The following LRRK1 variants were observed in gnomAD, a reference collection of about 807,000 sequenced individuals.
LRRK1 encodes the protein leucine rich repeat kinase 1, also known as leucine-rich repeat serine/threonine-protein kinase 1.
A neutral mutation model predicts 209.1 loss-of-function variants in LRRK1; 113 were observed. The ratio of observed to expected loss-of-function variants is 0.54; its 90% CI spans 0.46 to 0.63. The LOEUF (loss-of-function observed/expected upper bound fraction) is 0.63. Ranked by LOEUF, LRRK1 falls within the 30% of genes least tolerant of loss-of-function variation. The pLI, the probability that LRRK1 is intolerant of heterozygous loss-of-function variation, is 0.00. For missense variants in LRRK1, 2,284 were observed against 2,632.2 expected, an observed-to-expected ratio of 0.87 and a Z score of 2.89; for synonymous variants, 1,144 against 1,099.7, an observed-to-expected ratio of 1.04 and a Z score of -0.80.
chr15:101,022,084 C>A lies in LRRK1; in HGVS notation c.1852+127C>A. 1.5e-6 allele frequency: 1 copy of A among 683,680 alleles called. No individual in the cohort carries two copies. Among genetic ancestry groups the A allele is most frequent in the Non-Finnish European group, 2.5e-6 (1 of 405,580 alleles). 42.4% of individuals were successfully genotyped at this position (683,680 alleles called of 1,614,324 possible). ...GCCCAGCTCCAGGTTCCAGATTTGA[C>A]AAGATGCTATAAAATTGTCCCTAAA... On this transcript the variant is annotated intron_variant, in intron 14 of 33. Transcript: ENST00000388948. The surrounding 1 kb of genome is among the most constrained non-coding windows in gnomAD (Gnocchi z 4.0).
At position 101,021,042 on chromosome 15, in the gene LRRK1, T is replaced by C. The variant is rs2033759349; in HGVS notation, c.1610-11T>C. 1 of 1,614,024 alleles carries C rather than the reference T, an allele frequency of 6.2e-7. No individual in the cohort carries two copies. Among genetic ancestry groups the C allele is most frequent in the Non-Finnish European group, 8.5e-7 (1 of 1,179,906 alleles). Reference sequence around the variant, plus strand: ...TTTTTAAATGCAGTCTGCTTTGCCATGTCTTTGCAGCAAGTGTGCTGGAAT... The same window carrying C: ...TTTTTAAATGCAGTCTGCTTTGCCACGTCTTTGCAGCAAGTGTGCTGGAAT... On this transcript the variant is annotated splice_polypyrimidine_tract_variant and intron_variant, in intron 12 of 33. Transcript: ENST00000388948.
chr15:100,959,534 G>T (rs896216414), intron 2 of LRRK1, among the ~76,000 whole-genome samples: 1 of 152,166 alleles, frequency 6.6e-6, no homozygotes, highest in Non-Finnish European at 1.5e-5. Context: ...TCCAGATAAG[G>T]CAGACACAGG....
intron 12 of LRRK1, among the ~76,000 whole-genome samples, chr15:101,017,451 C>T (rs1363150046): frequency 3.9e-5 from 6 of 152,134 alleles, no homozygotes; most frequent in African/African-American, 9.7e-5. Flanking sequence ...TCCCCAGCGC[C>T]CCCCAGGAAG....
intron 5 of LRRK1, 80 bp downstream of exon 5, chr15:100,988,893 C>G: frequency 1.6e-6 from 2 of 1,213,648 alleles, no homozygotes; most frequent in South Asian, 1.5e-5. Context: ...TGTCTTTATT[C>G]TCACTCTTGG....
chr15:101,010,830 G>T lies in LRRK1; in HGVS notation c.1274G>T (p.Cys425Phe). ...NLKVFPDPWA[C>F]PLKCCKASRN... ...AAGGTGTTTCCAGATCCCTGGGCCT[G>T]CCCTTTGGTGAGTATCACACCAAAA... Residue 425 changes from cysteine (C) to phenylalanine (F), a missense_variant, in exon 9 of 34, where the codon TGC becomes TTC. By Grantham distance (205) the Cys-to-Phe change is radical. Transcript: ENST00000388948. 4.3e-6 allele frequency: 7 copies of T among 1,610,716 alleles called. No homozygotes were observed. The highest frequency in any genetic ancestry group is 5.9e-6 in the Non-Finnish European group (7 of 1,179,154).
In LRRK1 at chr15:101,068,932, C is replaced by T; in HGVS notation, c.*84C>T. 1 of 1,334,918 alleles carries T rather than the reference C, an allele frequency of 7.5e-7. No individual in the cohort carries two copies. Among genetic ancestry groups the T allele is most frequent in the Non-Finnish European group, 1.0e-6 (1 of 982,402 alleles). 82.7% of individuals were successfully genotyped at this position (1,334,918 alleles called of 1,614,324 possible). A position where few individuals can be genotyped will look rare whatever the true frequency, so the allele number is the denominator to read the frequency against. ...CCTCTGCCATCGGCCTCTAGTTCTC[C>T]AAGGACCTAGAAGACAGATGGAGTT... On this transcript the variant is annotated 3_prime_UTR_variant, in exon 34 of 34. Coordinates refer to ENST00000388948, the MANE Select transcript of LRRK1 (RefSeq NM_024652.6).
chr15:100,945,284 T>C (rs944897288), intron 2 of LRRK1, among the ~76,000 whole-genome samples: 1 of 149,828 alleles, frequency 6.7e-6, no homozygotes, highest in Non-Finnish European at 1.5e-5. Context: ...CCTGAAAACA[T>C]GTGTGCGTGT....
intron 4 of LRRK1, among the ~76,000 whole-genome samples, chr15:100,986,101 G>A (rs1567216125): frequency 6.6e-6 from 1 of 152,202 alleles, no homozygotes; most frequent in African/African-American, 2.4e-5. Flanking sequence ...AGGTACTTGG[G>A]AGGGTGAAGT....
At chr15:100,953,573 T>G (rs1314979060) in intron 2 of LRRK1, among the ~76,000 whole-genome samples, 1 of 151,938 alleles carries the variant, frequency 6.6e-6, no homozygotes, top group African/African-American at 2.4e-5. Context: ...ATTTTCTCTC[T>G]CCATCTGTCA....
intron 20 of LRRK1, among the ~76,000 whole-genome samples, chr15:101,031,354 G>A (rs1188858786): frequency 6.6e-6 from 1 of 152,312 alleles, no homozygotes; most frequent in South Asian, 2.1e-4. Context: ...CAACCGCACA[G>A]AGTCACGCAA....
rs2041981142 is a variant in LRRK1, at chr15:100,919,565, G to T, written c.-123+114G>T. On this transcript the variant is annotated intron_variant, in intron 1 of 33. Transcript: ENST00000388948. The surrounding 1 kb of genome is among the most constrained non-coding windows in gnomAD (Gnocchi z 5.8). ...GGGGAGCCTCGGCCTCTGCCTGCCC[G>T]CGGGCCCCTGCGCTCCGGGCGGCCG... is the stretch of plus-strand genomic sequence containing the variant. The T allele has an allele frequency of 1.4e-5, 2 of 147,672 alleles. No homozygotes were observed. Among genetic ancestry groups the T allele is most frequent in the African/African-American group, 4.9e-5 (2 of 40,942 alleles). The allele number at this position is 147,672 out of a possible 1,614,324, so 9.1% of individuals were successfully genotyped here.
intron 6 of LRRK1, among the ~76,000 whole-genome samples, chr15:100,995,584 T>C (rs2032368355): frequency 6.6e-6 from 1 of 152,210 alleles, no homozygotes; most frequent in Non-Finnish European, 1.5e-5. Context: ...CCCGCGTTCG[T>C]GGTGAACATC....
chr15:101,031,705 C>T (rs2034289919), intron 20 of LRRK1, among the ~76,000 whole-genome samples: 1 of 151,918 alleles, frequency 6.6e-6, no homozygotes, highest in Admixed American at 6.6e-5. Flanking sequence ...GTATGCTCCT[C>T]CAAGAGACTG....
intron 2 of LRRK1, among the ~76,000 whole-genome samples, chr15:100,955,320 A>G (rs1238228536): frequency 6.6e-6 from 1 of 152,124 alleles, no homozygotes. Context: ...GGTGTATAGA[A>G]CTGCAAATGA....
rs1295306380 is a variant in LRRK1, at chr15:101,074,450, T to C, written c.*5602T>C. On this transcript the variant is annotated 3_prime_UTR_variant, in exon 34 of 34. Transcript: ENST00000388948. Reference sequence around the variant, plus strand: ...CCCAAATCAGATAGCGTTTAGGCTCTTTTTCATCAAATATAAAAACCCAGC... The same window carrying C: ...CCCAAATCAGATAGCGTTTAGGCTCCTTTTCATCAAATATAAAAACCCAGC... 6.6e-6 allele frequency: 1 copy of C among 152,196 alleles called. No homozygotes were observed. Among genetic ancestry groups the C allele is most frequent in the Non-Finnish European group, 1.5e-5 (1 of 68,040 alleles). 9.4% of individuals were successfully genotyped at this position (152,196 alleles called of 1,614,324 possible).
Position 101,024,868 on chromosome 15 carries a change from G to A in LRRK1, c.2133G>A (p.Gln711=). 6.2e-7 allele frequency: 1 copy of A among 1,614,214 alleles called. No individual in the cohort carries two copies. The highest frequency in any genetic ancestry group is 8.5e-7 in the Non-Finnish European group (1 of 1,180,032). ...CGGCCAGCATGGCCACTGTCAACCAGTGCTTCTTCACGGACAAGGCCCTGT... is the reference window on the plus strand; with the variant it reads ...CGGCCAGCATGGCCACTGTCAACCAATGCTTCTTCACGGACAAGGCCCTGT... ...GGPASMATVN[Q]CFFTDKALYV... Residue 711 remains glutamine (Q), a synonymous_variant, in exon 16 of 34, where the codon CAG becomes CAA. Coordinates refer to ENST00000388948, the MANE Select transcript of LRRK1 (RefSeq NM_024652.6). This position sits in a 1 kb window ranked among gnomAD's most constrained non-coding sequence, Gnocchi z 4.6.
At chr15:101,021,568 A>C (rs1471644665) in intron 13 of LRRK1, 3 of 506,108 alleles carry the variant, frequency 5.9e-6, no homozygotes, top group Non-Finnish European at 1.0e-5. Context: ...GGTAGTGATC[A>C]TCTTTATGGG....
rs2036683998 is a variant in LRRK1 at position 101,069,041 on chromosome 15, A to G, written c.*193A>G. 3.9e-6 allele frequency: 2 copies of G among 517,206 alleles called. No homozygotes were observed. The highest frequency in any genetic ancestry group is 1.9e-5 in the African/African-American group (1 of 51,718). 32.0% of individuals were successfully genotyped at this position (517,206 alleles called of 1,614,324 possible). On this transcript the variant is annotated 3_prime_UTR_variant, in exon 34 of 34. Coordinates refer to ENST00000388948, the MANE Select transcript of LRRK1 (RefSeq NM_024652.6). ...CCAGGGTTCTCTGGTTCTCTGGAGCAGAGTTCTCTGAATACCCCATCCCCC... is the reference window on the plus strand; with the variant it reads ...CCAGGGTTCTCTGGTTCTCTGGAGCGGAGTTCTCTGAATACCCCATCCCCC...
At chr15:101,062,368 G>T in intron 30 of LRRK1, 1 of 492,618 alleles carries the variant, frequency 2.0e-6, no homozygotes. Context: ...GCTATTTTCT[G>T]TTTCCTCTTT....
Sources: allele counts gnomAD v4.1 joint callset (sites outside exome capture counted in the v4.1 genomes callset), GRCh38; gene constraint gnomAD v4.1.1; non-coding constraint Gnocchi (gnomAD v3.1); transcripts MANE v1.5; gene names NCBI Gene and HGNC (gene_info 2026-07-23, HGNC 2026-07-21).